The following TMEM132D variants were observed in gnomAD, a reference collection of about 807,000 sequenced individuals.
TMEM132D encodes mature OL transmembrane protein.
TMEM132D carries 21 observed loss-of-function variants against 62.3 expected under a neutral mutation model. That is an observed-to-expected ratio of 0.34 (90% CI 0.24 to 0.49). The LOEUF is 0.49. Among genes scored for constraint, TMEM132D ranks in the 20% least tolerant of loss-of-function variants. The pLI, the probability that TMEM132D is intolerant of heterozygous loss-of-function variation, is 0.99. For missense variants in TMEM132D, 1,346 were observed against 1,402.8 expected (o/e 0.96, Z 0.65); for synonymous variants, 621 against 575.6 (o/e 1.08, Z -1.13).
At chr12:129,868,957 G>T (rs1874155026) in intron 1 of TMEM132D, among the ~76,000 whole-genome samples, 1 of 152,058 alleles carries the variant, frequency 6.6e-6, no homozygotes, top group Non-Finnish European at 1.5e-5. Flanking sequence ...AGACCTCCAA[G>T]AATCTGAACT....
Position 129,277,084 on chromosome 12 carries a change from G to A in TMEM132D, c.1299+60550C>T, listed in dbSNP as rs1373586337. On this transcript the variant is annotated intron_variant, in intron 4 of 8. Coordinates refer to ENST00000422113, the MANE Select transcript of TMEM132D (RefSeq NM_133448.3). The surrounding 1 kb of genome is among the most constrained non-coding windows in gnomAD (Gnocchi z 4.2). ...GCTTCCAAAGCCAGCATAAATGGAC[G>A]AGCACAAAGGGGCTTAATAATATAA... Among the ~76,000 whole-genome samples, 8 of 152,164 alleles carry A rather than the reference G, an allele frequency of 5.3e-5. No individual in the cohort carries two copies. The highest frequency in any genetic ancestry group is 1.3e-4 in the Admixed American group (2 of 15,260).
intron 3 of TMEM132D, among the ~76,000 whole-genome samples, chr12:129,485,030 C>T (rs755701295): frequency 6.6e-5 from 10 of 152,074 alleles, no homozygotes; most frequent in Non-Finnish European, 1.5e-4. Context: ...TTCCAGGTGC[C>T]CAGGCCTGTT....
chr12:129,879,199 T>C (rs997996979), intron 1 of TMEM132D, among the ~76,000 whole-genome samples: 1 of 152,228 alleles, frequency 6.6e-6, no homozygotes, highest in Non-Finnish European at 1.5e-5. Context: ...GTTCCTTTCC[T>C]AGATCACAGT....
intron 2 of TMEM132D, among the ~76,000 whole-genome samples, chr12:129,641,125 G>T (rs765615045): frequency 9.2e-5 from 14 of 152,020 alleles, no homozygotes; most frequent in Non-Finnish European, 1.8e-4. Context: ...AAATAATCCT[G>T]AAATCATCCT....
At chr12:129,804,578 A>G (rs1379528781) in intron 1 of TMEM132D, among the ~76,000 whole-genome samples, 2 of 146,858 alleles carry the variant, frequency 1.4e-5, no homozygotes, top group African/African-American at 2.5e-5. Context: ...ACCCACAGCC[A>G]ATATCATACT....
intron 3 of TMEM132D, among the ~76,000 whole-genome samples, chr12:129,496,541 G>A (rs1316826892): frequency 6.6e-6 from 1 of 152,146 alleles, no homozygotes; most frequent in African/African-American, 2.4e-5. Flanking sequence ...TCAAGGTAAG[G>A]ATGGATTTTG....
At chr12:129,547,769 C>A (rs1477792832) in intron 2 of TMEM132D, among the ~76,000 whole-genome samples, 1 of 152,122 alleles carries the variant, frequency 6.6e-6, no homozygotes, top group Non-Finnish European at 1.5e-5. Flanking sequence ...CTAAAAGAGT[C>A]TTGTCTGAAA....
At chr12:129,848,620 T>C (rs1873439508) in intron 1 of TMEM132D, among the ~76,000 whole-genome samples, 1 of 152,230 alleles carries the variant, frequency 6.6e-6, no homozygotes, top group Non-Finnish European at 1.5e-5. Context: ...ATATTTTCTG[T>C]TCAGGAAAAT....
intron 1 of TMEM132D, among the ~76,000 whole-genome samples, chr12:129,725,263 T>C (rs2398477): frequency 0.82 from 124,262 of 152,248 alleles, 51,409 homozygotes; most frequent in Non-Finnish European, 0.9. Flanking sequence ...ACAAAGTAAA[T>C]AATGGTACAA....
chr12:129,543,363 T>C (rs1202045448), intron 2 of TMEM132D, among the ~76,000 whole-genome samples: 1 of 147,842 alleles, frequency 6.8e-6, no homozygotes, highest in East Asian at 2.0e-4. Context: ...AGTGGGTGGA[T>C]GGATGGATGT....
intron 3 of TMEM132D, among the ~76,000 whole-genome samples, chr12:129,393,160 T>C (rs1871336077): frequency 6.6e-6 from 1 of 152,252 alleles, no homozygotes; most frequent in Admixed American, 6.5e-5. Flanking sequence ...AAGCTTTATC[T>C]GTGCAGCAAA....
At chr12:129,101,283 T>C (rs1480924609) in intron 5 of TMEM132D, among the ~76,000 whole-genome samples, 2 of 152,220 alleles carry the variant, frequency 1.3e-5, no homozygotes, top group Non-Finnish European at 2.9e-5. Context: ...CGAGCATTTG[T>C]CGATTTGCCA....
chr12:129,164,036 A>C (rs1877471211), intron 5 of TMEM132D, among the ~76,000 whole-genome samples: 1 of 152,194 alleles, frequency 6.6e-6, no homozygotes, highest in Non-Finnish European at 1.5e-5. Context: ...TGAGGATCCA[A>C]ATACTGTGCA....
intron 1 of TMEM132D, among the ~76,000 whole-genome samples, chr12:129,802,916 C>A (rs1871845989): frequency 6.6e-6 from 1 of 150,956 alleles, no homozygotes. Context: ...AGACTTTAAA[C>A]CAACAAAGAT....
At position 129,873,149 on chromosome 12, in the gene TMEM132D, G is replaced by A. The variant is rs182763652; in HGVS notation, c.79+30112C>T. 9.9e-5 allele frequency among the ~76,000 whole-genome samples: 15 copies of A among 152,242 alleles called. No individual in the cohort carries two copies. In the East Asian group the frequency reaches 2.1e-3, roughly 22 times the overall value. On this transcript the variant is annotated intron_variant, in intron 1 of 8. Coordinates refer to ENST00000422113, the MANE Select transcript of TMEM132D (RefSeq NM_133448.3). ...CCCCAATTATTGCAGAGGGGACACC[G>A]TTTTGATTGAATTGCTCAGACGGTT...
intron 4 of TMEM132D, among the ~76,000 whole-genome samples, chr12:129,251,225 A>C (rs1024923524): frequency 2.6e-5 from 4 of 151,856 alleles, no homozygotes; most frequent in Non-Finnish European, 5.9e-5. Context: ...CGGGTGTGGT[A>C]GTGTGCGCCT....
intron 4 of TMEM132D, among the ~76,000 whole-genome samples, chr12:129,302,184 G>A (rs1375715238): frequency 1.3e-5 from 2 of 152,064 alleles, no homozygotes; most frequent in African/African-American, 2.4e-5. Context: ...GCATGATCTC[G>A]GCTCACTGCA....
intron 5 of TMEM132D, among the ~76,000 whole-genome samples, chr12:129,167,857 A>G (rs936294539): frequency 2.0e-5 from 3 of 152,140 alleles, no homozygotes; most frequent in Non-Finnish European, 4.4e-5. Flanking sequence ...AAAGAACCAC[A>G]CTTTATTCGG....
At chr12:129,192,551 C>T (rs952753738) in intron 5 of TMEM132D, among the ~76,000 whole-genome samples, 2 of 152,230 alleles carry the variant, frequency 1.3e-5, no homozygotes, top group African/African-American at 4.8e-5. Context: ...AAAGACTAAT[C>T]ATGAAAAATA....
Sources: gnomAD v4.1 joint callset for allele counts (sites outside exome capture counted in the v4.1 genomes callset) on GRCh38, gnomAD v4.1.1 for gene constraint, Gnocchi (gnomAD v3.1) non-coding constraint, MANE v1.5 for transcripts, NCBI Gene and HGNC (gene_info 2026-07-23, HGNC 2026-07-21) for gene names.